Variants in ACTN1 observed in about 807,000 individuals in gnomAD.
ACTN1 encodes the protein alpha-actinin-1.
A neutral mutation model predicts 119.6 loss-of-function variants in ACTN1; 30 were observed. That is an observed-to-expected ratio of 0.25 (90% CI 0.19 to 0.34). The LOEUF is 0.34. ACTN1 is among the 10% of genes least tolerant of loss of function. The pLI is 1.00. For synonymous variants in ACTN1, 429 were observed against 472.6 expected (o/e 0.91, Z 1.20); for missense variants, 764 against 1,223.4 (o/e 0.62, Z 5.60).
At chr14:68,929,388 C>A (rs1008905623) in intron 1 of ACTN1, among the ~76,000 whole-genome samples, 2 of 152,012 alleles carry the variant, frequency 1.3e-5, no homozygotes, top group African/African-American at 4.8e-5. Context: ...GGACGCCCAG[C>A]GTGGTGGGGA....
chr14:68,910,767 C>T (rs1839049776), intron 4 of ACTN1, among the ~76,000 whole-genome samples: 3 of 152,136 alleles, frequency 2.0e-5, no homozygotes, highest in Admixed American at 6.5e-5. Context: ...GAGTCGTGGG[C>T]GTGGTTTCCC....
chr14:68,923,116 G>A (rs1288174476), intron 2 of ACTN1, among the ~76,000 whole-genome samples: 3 of 152,214 alleles, frequency 2.0e-5, no homozygotes, highest in Non-Finnish European at 4.4e-5. Context: ...GTATCATGAG[G>A]ACAAGCCCGG....
In ACTN1 at chr14:68,885,651, G is replaced by A; in HGVS notation, c.1235-76C>T. The A allele has an allele frequency of 2.0e-6, 3 of 1,515,862 alleles. No homozygotes were observed. The highest frequency in any genetic ancestry group is 1.9e-5 in the Admixed American group (1 of 52,730). 93.9% of individuals were successfully genotyped at this position (1,515,862 alleles called of 1,614,324 possible). A position where few individuals can be genotyped will look rare whatever the true frequency, so the allele number is the denominator to read the frequency against. ...TGGTCCCAACCGCCCACCCCTCAGG[G>A]CCCCAGGAGCTCCACTTCTGGGGGT... is the stretch of plus-strand genomic sequence containing the variant. On this transcript the variant is annotated intron_variant, in intron 11 of 21. Coordinates refer to ENST00000394419, the MANE Select transcript of ACTN1 (RefSeq NM_001130004.2). The surrounding 1 kb of genome is among the most constrained non-coding windows in gnomAD (Gnocchi z 5.6).
intron 10 of ACTN1, among the ~76,000 whole-genome samples, chr14:68,891,680 T>C (rs555513377): frequency 2.0e-4 from 30 of 152,300 alleles, no homozygotes; most frequent in Non-Finnish European, 3.5e-4. Flanking sequence ...TTTTAACTAC[T>C]TAAGATTCCA....
At chr14:68,954,783 G>A (rs2036295933) in intron 1 of ACTN1, among the ~76,000 whole-genome samples, 1 of 152,182 alleles carries the variant, frequency 6.6e-6, no homozygotes, top group African/African-American at 2.4e-5. Flanking sequence ...CTGTGCCAAT[G>A]TGCAACACCT....
rs866875289 is a variant in ACTN1, at chr14:68,903,824, C to T, written c.676+831G>A. ...GCTTCCCTTCCCCCCACAGCCCCTG[C>T]TCACCCCATCCGAGACGCTCTACAC... On this transcript the variant is annotated intron_variant, in intron 7 of 21. Coordinates refer to ENST00000394419, the MANE Select transcript of ACTN1 (RefSeq NM_001130004.2). 2.7e-5 allele frequency among the ~76,000 whole-genome samples: 4 copies of T among 147,776 alleles called. No individual in the cohort carries two copies. The South Asian group carries it at 6.5e-4, about 24-fold the overall frequency.
chr14:68,948,230 C>T (rs568783693), intron 1 of ACTN1, among the ~76,000 whole-genome samples: 46 of 152,340 alleles, frequency 3.0e-4, no homozygotes, highest in African/African-American at 4.3e-4. Context: ...CACTTACCTA[C>T]GCACTTTATA....
chr14:68,950,479 A>ATATATATATATATAT (rs1566667536), intron 1 of ACTN1, among the ~76,000 whole-genome samples: 2 of 92,696 alleles, frequency 2.2e-5, no homozygotes, highest in African/African-American at 1.6e-4. Flanking sequence ...TATATATATA[A>ATATATATATATATAT]ATCAAACATA....
intron 2 of ACTN1, among the ~76,000 whole-genome samples, chr14:68,924,757 A>T (rs1269338700): frequency 6.6e-6 from 1 of 152,256 alleles, no homozygotes; most frequent in East Asian, 1.9e-4. Context: ...AAGGACTGAG[A>T]AGAAGGAATC....
At position 68,891,502 on chromosome 14, in the gene ACTN1, C is replaced by T. The variant is rs187097836; in HGVS notation, c.1086+551G>A. Among the ~76,000 whole-genome samples the T allele has an allele frequency of 2.8e-3, 419 of 152,150 alleles. 4 individuals carry two copies. The highest frequency in any genetic ancestry group is 0.017 in the South Asian group (80 of 4,816). On this transcript the variant is annotated intron_variant, in intron 10 of 21. Transcript: ENST00000394419. Reference sequence around the variant, plus strand: ...TCAAATACATATACTTTAGGATTCCCTCAAATATTTACACGAAAAAACCAA... The same window carrying T: ...TCAAATACATATACTTTAGGATTCCTTCAAATATTTACACGAAAAAACCAA...
chr14:68,949,682 G>C (rs547719686), intron 1 of ACTN1, among the ~76,000 whole-genome samples: 1 of 152,134 alleles, frequency 6.6e-6, no homozygotes, highest in African/African-American at 2.4e-5. Flanking sequence ...TGTTCACAAC[G>C]GCCAAAAGGG....
At chr14:68,968,291 G>A (rs932482324) in intron 1 of ACTN1, among the ~76,000 whole-genome samples, 1 of 152,212 alleles carries the variant, frequency 6.6e-6, no homozygotes, top group Non-Finnish European at 1.5e-5. Context: ...GCAGGAAGCC[G>A]GGTTCAGTCC....
chr14:68,885,427 G>A lies in ACTN1; in HGVS notation c.1383C>T (p.Leu461=). 6.2e-7 allele frequency: 1 copy of A among 1,608,918 alleles called. No homozygotes were observed. The highest frequency in any genetic ancestry group is 8.5e-7 in the Non-Finnish European group (1 of 1,176,560). The change falls in exon 12 of 22, where the codon CTC becomes CTT. Residue 461 remains leucine (L), a splice_region_variant and synonymous_variant. Coordinates refer to ENST00000394419, the MANE Select transcript of ACTN1 (RefSeq NM_001130004.2). This position sits in a 1 kb window ranked among gnomAD's most constrained non-coding sequence, Gnocchi z 5.6. ...TAGGGGTGTCTGGGGCCACCTACTT[G>A]AGCTCCTGTGCGATGGCGGCAATCT... ...VEQIAAIAQE[L]NELDYYDSPS... is the part of the protein sequence containing the mutation.
At chr14:68,889,368 T>C (rs2032295711) in intron 11 of ACTN1, among the ~76,000 whole-genome samples, 2 of 152,176 alleles carry the variant, frequency 1.3e-5, no homozygotes, top group Admixed American at 6.5e-5. Context: ...TACTATAATA[T>C]TTAAGCCTCA....
chr14:68,910,108 A>C (rs2033916729), intron 4 of ACTN1, 66 bp from the exon 5 acceptor site: 1 of 1,383,048 alleles, frequency 7.2e-7, no homozygotes, highest in Non-Finnish European at 1.0e-6. Flanking sequence ...ATGCCGGCTC[A>C]CAGGAGGCCC....
At position 68,875,024 on chromosome 14, in the gene ACTN1, GGAGA is replaced by G; in HGVS notation, c.2587-11_2587-8del. On this transcript the variant is annotated splice_region_variant and splice_polypyrimidine_tract_variant and intron_variant, in intron 21 of 21. Coordinates refer to ENST00000394419, the MANE Select transcript of ACTN1 (RefSeq NM_001130004.2). ...CGTCCATGGTAATGTAGTTCTGCGA[GGAGA>G]GAGTGGTCAGGAAGGCCGCAAAGTC... 6.2e-7 allele frequency: 1 copy of G among 1,612,506 alleles called. No individual in the cohort carries two copies. Among genetic ancestry groups the G allele is most frequent in the Non-Finnish European group, 8.5e-7 (1 of 1,179,984 alleles).
chr14:68,876,941 A>C, intron 21 of ACTN1, 141 bp downstream of exon 21: 1 of 962,316 alleles, frequency 1.0e-6, no homozygotes, highest in Non-Finnish European at 1.5e-6. Flanking sequence ...AGAAATGAGT[A>C]GAAGTGGCAA....
At chr14:68,934,159 C>T (rs948772302) in intron 1 of ACTN1, among the ~76,000 whole-genome samples, 1 of 152,154 alleles carries the variant, frequency 6.6e-6, no homozygotes, top group Non-Finnish European at 1.5e-5. Context: ...TCTAAGTCTG[C>T]TAATAAAGTT....
chr14:68,978,829 C>G, intron 1 of ACTN1, 123 bp downstream of exon 1: 1 of 584,746 alleles, frequency 1.7e-6, no homozygotes, highest in Non-Finnish European at 2.7e-6. Context: ...CGCACCGCCC[C>G]CGCCCCCTCC....
Sources: gnomAD v4.1 joint callset for allele counts (sites outside exome capture counted in the v4.1 genomes callset) on GRCh38, gnomAD v4.1.1 for gene constraint, Gnocchi (gnomAD v3.1) non-coding constraint, MANE v1.5 for transcripts, NCBI Gene and HGNC (gene_info 2026-07-23, HGNC 2026-07-21) for gene names.